VAV3: variants seen among roughly 807,000 people sequenced by gnomAD.
VAV3 encodes the protein vav guanine nucleotide exchange factor 3, also known as guanine nucleotide exchange factor VAV3.
A neutral mutation model predicts 131.2 loss-of-function variants in VAV3; 94 were observed. That is an observed-to-expected ratio of 0.72 (90% CI 0.61 to 0.85). The LOEUF (loss-of-function observed/expected upper bound fraction) is 0.85. VAV3 is among the 40% of genes least tolerant of loss of function. The pLI, the probability that VAV3 is intolerant of heterozygous loss-of-function variation, is 0.00. For synonymous variants in VAV3, 349 were observed against 342.0 expected (o/e 1.02, Z -0.22); for missense variants, 939 against 1,002.7 (o/e 0.94, Z 0.86).
intron 1 of VAV3, among the ~76,000 whole-genome samples, chr1:107,937,089 C>T (rs770283761): frequency 2.0e-5 from 3 of 152,078 alleles, no homozygotes; most frequent in Admixed American, 6.6e-5. Context: ...CACCCTCCAC[C>T]GCCACCCCAA....
chr1:107,587,361 A>C (rs1311176082), intron 25 of VAV3, among the ~76,000 whole-genome samples: 1 of 152,176 alleles, frequency 6.6e-6, no homozygotes, highest in Non-Finnish European at 1.5e-5. Flanking sequence ...ATATATCAGG[A>C]AAAAAGAGAT....
chr1:107,822,660 ATAAATAAAT>A (rs944446916), intron 2 of VAV3, among the ~76,000 whole-genome samples: 6 of 19,546 alleles, frequency 3.1e-4, no homozygotes, highest in South Asian at 4.6e-3. Context: ...CTCAAAAAAA[ATAAATAAAT>A]AAATAAATAA....
intron 20 of VAV3, among the ~76,000 whole-genome samples, chr1:107,622,725 A>G (rs1653700262): frequency 6.6e-6 from 1 of 152,234 alleles, no homozygotes; most frequent in Non-Finnish European, 1.5e-5. Flanking sequence ...TAAGCAATTT[A>G]TCACACATGG....
intron 15 of VAV3, among the ~76,000 whole-genome samples, chr1:107,710,234 T>G (rs1190484099): frequency 6.6e-6 from 1 of 152,142 alleles, no homozygotes; most frequent in Non-Finnish European, 1.5e-5. Flanking sequence ...TGTCTCATGC[T>G]CTATCAGTAT....
At chr1:107,924,768 A>G (rs1352020388) in intron 1 of VAV3, among the ~76,000 whole-genome samples, 4 of 152,202 alleles carry the variant, frequency 2.6e-5, no homozygotes, top group African/African-American at 9.7e-5. Context: ...AAAAACTGTG[A>G]CCATATGTTC....
At chr1:107,694,581 C>T (rs1570767218) in intron 17 of VAV3, among the ~76,000 whole-genome samples, 2 of 152,146 alleles carry the variant, frequency 1.3e-5, no homozygotes, top group South Asian at 4.1e-4. Context: ...AAAGTACCAG[C>T]CAGGGACTCA....
intron 1 of VAV3, among the ~76,000 whole-genome samples, chr1:107,907,469 A>G (rs1454169163): frequency 6.6e-6 from 1 of 152,202 alleles, no homozygotes; most frequent in Non-Finnish European, 1.5e-5. Flanking sequence ...TGTGTCCCCC[A>G]AAGTTCACGT....
chr1:107,720,676 C>G (rs1661442151), intron 15 of VAV3, among the ~76,000 whole-genome samples: 1 of 152,086 alleles, frequency 6.6e-6, no homozygotes, highest in Non-Finnish European at 1.5e-5. Flanking sequence ...AAAACTCCAT[C>G]TCAAGAGAAA....
At chr1:107,816,030 G>T (rs929543617) in intron 2 of VAV3, among the ~76,000 whole-genome samples, 2 of 152,140 alleles carry the variant, frequency 1.3e-5, no homozygotes, top group Admixed American at 1.3e-4. Flanking sequence ...ATCCAGTGCT[G>T]CCACTGATCT....
chr1:107,960,157 C>A (rs964348856), intron 1 of VAV3, among the ~76,000 whole-genome samples: 1 of 152,108 alleles, frequency 6.6e-6, no homozygotes. Flanking sequence ...AATGCAGTAG[C>A]CAAAGTAACT....
At chr1:107,925,906 A>ATGTTATATG (rs965600764) in intron 1 of VAV3, among the ~76,000 whole-genome samples, 2 of 151,328 alleles carry the variant, frequency 1.3e-5, no homozygotes, top group African/African-American at 4.9e-5. Context: ...TATGATATAT[A>ATGTTATATG]TGTTACATAT....
At chr1:107,719,061 A>C (rs1035199376) in intron 15 of VAV3, among the ~76,000 whole-genome samples, 3 of 152,208 alleles carry the variant, frequency 2.0e-5, no homozygotes, top group African/African-American at 7.2e-5. Flanking sequence ...TTAATTCAAG[A>C]TGGATTAAAG....
chr1:107,883,613 A>G (rs1043871793), intron 1 of VAV3, among the ~76,000 whole-genome samples: 1 of 152,126 alleles, frequency 6.6e-6, no homozygotes, highest in African/African-American at 2.4e-5. Flanking sequence ...TTTATAAATA[A>G]TATCAATAAA....
intron 17 of VAV3, among the ~76,000 whole-genome samples, chr1:107,699,493 T>C (rs949959039): frequency 6.6e-6 from 1 of 152,220 alleles, no homozygotes; most frequent in Non-Finnish European, 1.5e-5. Flanking sequence ...CAGTGCAAAC[T>C]GTGGGTGGAC....
chr1:107,644,726 C>T (rs866272348), intron 19 of VAV3, among the ~76,000 whole-genome samples: 1 of 151,978 alleles, frequency 6.6e-6, no homozygotes, highest in Non-Finnish European at 1.5e-5. Context: ...ACTTTGATGA[C>T]ATTTCACCAC....
intron 20 of VAV3, among the ~76,000 whole-genome samples, chr1:107,635,363 C>T (rs1010579484): frequency 1.3e-5 from 2 of 150,832 alleles, no homozygotes; most frequent in Non-Finnish European, 1.5e-5. Flanking sequence ...AGCAAATTAT[C>T]GCAAGGACAA....
chr1:107,641,975 T>C (rs1053946869), intron 20 of VAV3, among the ~76,000 whole-genome samples: 2 of 152,206 alleles, frequency 1.3e-5, no homozygotes, highest in African/African-American at 4.8e-5. Flanking sequence ...GTAAAGTTTC[T>C]GAAGCTGAAA....
chr1:107,680,867 A>G (rs1399401399), intron 19 of VAV3, among the ~76,000 whole-genome samples: 1 of 152,200 alleles, frequency 6.6e-6, no homozygotes, highest in Non-Finnish European at 1.5e-5. Flanking sequence ...TCCCAAGCCC[A>G]GGCAACATGG....
intron 1 of VAV3, among the ~76,000 whole-genome samples, chr1:107,950,422 T>C (rs565376230): frequency 5.3e-5 from 8 of 152,274 alleles, no homozygotes; most frequent in East Asian, 3.9e-4. Flanking sequence ...TGAGGACTAG[T>C]TGAGCTTGCT....
Sources: gnomAD v4.1 joint callset for allele counts (sites outside exome capture counted in the v4.1 genomes callset) on GRCh38, gnomAD v4.1.1 for gene constraint, MANE v1.5 for transcripts, NCBI Gene and HGNC (gene_info 2026-07-23, HGNC 2026-07-21) for gene names.